Variants in NRG3 observed in about 807,000 individuals in gnomAD.
NRG3 encodes the protein pro-neuregulin-3, membrane-bound isoform.
Under a neutral mutation model 66.9 loss-of-function variants are expected in NRG3, and 31 were observed. That is an observed-to-expected ratio of 0.46 (90% CI 0.35 to 0.63). The LOEUF (loss-of-function observed/expected upper bound fraction) is 0.63, where lower values mean the gene tolerates loss of function less well. Ranked by LOEUF, NRG3 falls within the 20% of genes least tolerant of loss-of-function variation. The pLI is 0.00. For synonymous variants in NRG3, 393 were observed against 359.4 expected (o/e 1.09, Z -1.06); for missense variants, 910 against 878.9 (o/e 1.04, Z -0.45).
At chr10:82,131,233 A>G (rs1347301851) in intron 1 of NRG3, among the ~76,000 whole-genome samples, 1 of 152,146 alleles carries the variant, frequency 6.6e-6, no homozygotes, top group East Asian at 1.9e-4. Context: ...GGCAAGAGAT[A>G]GGGGTCTAAT....
chr10:82,636,573 A>AT (rs1462223010), intron 2 of NRG3, among the ~76,000 whole-genome samples: 4 of 152,180 alleles, frequency 2.6e-5, no homozygotes, highest in Non-Finnish European at 5.9e-5. Context: ...AGGGTTATCC[A>AT]TGTTGCAGCA....
chr10:82,447,047 TAGG>T (rs1328219343), intron 2 of NRG3, among the ~76,000 whole-genome samples: 1 of 152,108 alleles, frequency 6.6e-6, no homozygotes, highest in African/African-American at 2.4e-5. Flanking sequence ...AGTTTTCTAA[TAGG>T]AGAAGAAGAA....
chr10:82,526,313 T>C (rs1252615614), intron 2 of NRG3, among the ~76,000 whole-genome samples: 1 of 151,528 alleles, frequency 6.6e-6, no homozygotes, highest in Non-Finnish European at 1.5e-5. Context: ...AAAAATAGAA[T>C]AGTGGATAAA....
In NRG3 at chr10:82,131,277, C is replaced by T. The variant is rs149793251; in HGVS notation, c.824-227462C>T. 3.5e-3 allele frequency among the ~76,000 whole-genome samples: 527 copies of T among 152,150 alleles called. 4 individuals are homozygous for T. The highest frequency in any genetic ancestry group is 0.012 in the African/African-American group (503 of 41,508). On this transcript the variant is annotated intron_variant, in intron 1 of 8. Transcript: ENST00000372141. ...TCTGCATATGGATATCCAGTTTTCC[C>T]AGCACTATTTAAAGAGACTACCCTT...
intron 1 of NRG3, among the ~76,000 whole-genome samples, chr10:81,975,556 GGC>G (rs1173590175): frequency 2.6e-4 from 40 of 152,036 alleles, no homozygotes; most frequent in African/African-American, 8.0e-4. Context: ...GGGAAAGGCA[GGC>G]CACAAATTAA....
intron 2 of NRG3, among the ~76,000 whole-genome samples, chr10:82,507,298 G>T (rs1844772357): frequency 6.6e-6 from 1 of 152,174 alleles, no homozygotes; most frequent in East Asian, 1.9e-4. Context: ...TACAATGTGG[G>T]CATGGGTTGA....
intron 3 of NRG3, among the ~76,000 whole-genome samples, chr10:82,775,411 A>G (rs2059877313): frequency 1.3e-5 from 2 of 151,814 alleles, no homozygotes; most frequent in South Asian, 4.2e-4. Flanking sequence ...TATATTTGTG[A>G]ATTTACCAAG....
At chr10:81,960,475 T>C (rs10883976) in intron 1 of NRG3, among the ~76,000 whole-genome samples, 12,564 of 152,050 alleles carry the variant, frequency 0.083, 585 homozygotes, top group South Asian at 0.19. Flanking sequence ...TTATGAAAGG[T>C]TTGTAATTTT....
Position 82,465,677 on chromosome 10 carries a change from C to T in NRG3, c.953+106809C>T, listed in dbSNP as rs1484254169. On this transcript the variant is annotated intron_variant, in intron 2 of 8. Transcript: ENST00000372141. ...GAGGCCAGGGCCCAGAACCTGGGCT[C>T]TTAGGGGGTGGGGGGCAGCAGAACA... Among the ~76,000 whole-genome samples, 7 of 152,070 alleles carry T rather than the reference C, an allele frequency of 4.6e-5. No homozygotes were observed. In the East Asian group the frequency reaches 5.8e-4, roughly 13 times the overall value.
intron 2 of NRG3, among the ~76,000 whole-genome samples, chr10:82,363,556 C>T (rs1204586196): frequency 5.3e-5 from 8 of 152,068 alleles, no homozygotes; most frequent in African/African-American, 1.2e-4. Context: ...CCCAGGTTCA[C>T]GCCATTCTCC....
intron 1 of NRG3, among the ~76,000 whole-genome samples, chr10:82,015,592 A>T (rs11192172): frequency 0.078 from 11,807 of 151,954 alleles, 1,512 homozygotes; most frequent in African/African-American, 0.27. Flanking sequence ...ATGGTTTTAT[A>T]AGGGGCTCTT....
chr10:82,733,437 T>A (rs772020579), intron 2 of NRG3, among the ~76,000 whole-genome samples: 1 of 152,182 alleles, frequency 6.6e-6, no homozygotes, highest in Non-Finnish European at 1.5e-5. Context: ...TCCTAAAATA[T>A]ACCCATACAA....
intron 4 of NRG3, among the ~76,000 whole-genome samples, chr10:82,936,038 G>T (rs1360724548): frequency 6.6e-6 from 1 of 152,140 alleles, no homozygotes; most frequent in Non-Finnish European, 1.5e-5. Context: ...CAGGGGTATG[G>T]ATCATATTCC....
intron 1 of NRG3, among the ~76,000 whole-genome samples, chr10:82,131,457 A>G (rs1177969018): frequency 6.6e-6 from 1 of 152,092 alleles, no homozygotes; most frequent in East Asian, 1.9e-4. Flanking sequence ...ATATACTTTG[A>G]GGTCAAGTAA....
At chr10:82,692,446 T>A (rs2134211856) in intron 2 of NRG3, among the ~76,000 whole-genome samples, 1 of 152,306 alleles carries the variant, frequency 6.6e-6, no homozygotes, top group African/African-American at 2.4e-5. Flanking sequence ...TAATCTGGGT[T>A]CTTGTCTCAA....
intron 2 of NRG3, among the ~76,000 whole-genome samples, chr10:82,596,794 G>C (rs530338229): frequency 6.6e-6 from 1 of 152,284 alleles, no homozygotes; most frequent in South Asian, 2.1e-4. Context: ...GGCTTGCTTT[G>C]AGAAGTCTAT....
chr10:82,560,102 A>G (rs1366639331), intron 2 of NRG3, among the ~76,000 whole-genome samples: 1 of 151,776 alleles, frequency 6.6e-6, no homozygotes, highest in Non-Finnish European at 1.5e-5. Context: ...AAAGATATAT[A>G]TACTTAATCT....
chr10:82,621,267 G>A (rs2049020977), intron 2 of NRG3, among the ~76,000 whole-genome samples: 1 of 152,182 alleles, frequency 6.6e-6, no homozygotes, highest in Admixed American at 6.5e-5. Context: ...CATCAAGGAT[G>A]GTGGAGAGAA....
intron 1 of NRG3, among the ~76,000 whole-genome samples, chr10:81,953,424 C>T (rs79283059): frequency 0.025 from 3,854 of 152,254 alleles, 73 homozygotes; most frequent in African/African-American, 0.052. Context: ...CTCTGTCTTT[C>T]CTGTAATTAC....
Sources: gnomAD v4.1 joint callset for allele counts (sites outside exome capture counted in the v4.1 genomes callset) on GRCh38, gnomAD v4.1.1 for gene constraint, MANE v1.5 for transcripts, NCBI Gene and HGNC (gene_info 2026-07-23, HGNC 2026-07-21) for gene names.